The following STPG2 variants were observed in gnomAD, a reference collection of about 807,000 sequenced individuals.
STPG2 encodes the protein sperm tail PG-rich repeat containing 2, also known as sperm-tail PG-rich repeat-containing protein 2.
In STPG2, 56 loss-of-function variants were observed where a neutral mutation model predicts 54.2. The observed-to-expected ratio is 1.03, with a 90% confidence interval of 0.83 to 1.29. The LOEUF is 1.29. Ranked by LOEUF, STPG2 falls within the 50% of genes most tolerant of loss-of-function variation. The probability of loss-of-function intolerance (pLI) is 0.00; values close to 1 mark genes in which losing one functional copy is unlikely to be tolerated. For synonymous variants in STPG2, 200 were observed against 181.8 expected (o/e 1.10, Z -0.81); for missense variants, 596 against 544.9 (o/e 1.09, Z -0.93).
chr4:97,488,969 T>G (rs1730438735), intron 4 of STPG2, among the ~76,000 whole-genome samples: 1 of 151,758 alleles, frequency 6.6e-6, no homozygotes, highest in African/African-American at 2.4e-5. Flanking sequence ...AATCTCATCT[T>G]GAATTGTAAC....
At chr4:97,721,803 C>A (rs983602692) in intron 9 of STPG2, among the ~76,000 whole-genome samples, 1 of 152,042 alleles carries the variant, frequency 6.6e-6, no homozygotes, top group Non-Finnish European at 1.5e-5. Context: ...ACATCAGAAA[C>A]TGTAAAACCT....
chr4:97,525,218 C>G (rs1439050646), intron 4 of STPG2, among the ~76,000 whole-genome samples: 1 of 151,692 alleles, frequency 6.6e-6, no homozygotes, highest in Non-Finnish European at 1.5e-5. Flanking sequence ...ATATATTTAA[C>G]TTTCACTTGA....
chr4:97,972,238 A>G, intron 7 of STPG2, 42 bp downstream of exon 7: 1 of 1,335,976 alleles, frequency 7.5e-7, no homozygotes, highest in Admixed American at 2.6e-5. Flanking sequence ...TAAGAGCTTG[A>G]TATTCAACAT....
intron 4 of STPG2, among the ~76,000 whole-genome samples, chr4:97,521,145 AT>A (rs1731173001): frequency 6.6e-6 from 1 of 152,028 alleles, no homozygotes; most frequent in South Asian, 2.1e-4. Flanking sequence ...AAAACATATC[AT>A]TTCCTCAAAT....
intron 9 of STPG2, among the ~76,000 whole-genome samples, chr4:97,798,646 G>A (rs1185812273): frequency 2.5e-3 from 334 of 136,164 alleles, no homozygotes; most frequent in Non-Finnish European, 4.5e-3. Flanking sequence ...GTGCTGAGAA[G>A]AATGTATATT....
chr4:97,890,893 AAATT>A (rs1214268911), intron 8 of STPG2, among the ~76,000 whole-genome samples: 3 of 152,016 alleles, frequency 2.0e-5, no homozygotes, highest in Admixed American at 6.6e-5. Flanking sequence ...CTATATAAAC[AAATT>A]AATATATAAA....
chr4:98,024,560 A>T (rs942558719), intron 5 of STPG2, among the ~76,000 whole-genome samples: 1 of 152,238 alleles, frequency 6.6e-6, no homozygotes, highest in East Asian at 1.9e-4. Flanking sequence ...CCACATATAT[A>T]TGTAGCACAC....
At chr4:97,667,360 C>T (rs553072455) in intron 10 of STPG2, among the ~76,000 whole-genome samples, 2 of 152,286 alleles carry the variant, frequency 1.3e-5, no homozygotes, top group African/African-American at 4.8e-5. Context: ...GATGCAATTG[C>T]TAACTTTTTT....
chr4:98,135,203 G>C (rs4699330), intron 1 of STPG2, among the ~76,000 whole-genome samples: 1 of 151,174 alleles, frequency 6.6e-6, no homozygotes. Context: ...CAAAACTTTT[G>C]CACTAAATCT....
intron 1 of STPG2, among the ~76,000 whole-genome samples, chr4:98,140,974 T>C (rs1471626331): frequency 6.6e-6 from 1 of 152,086 alleles, no homozygotes; most frequent in Non-Finnish European, 1.5e-5. Context: ...AATGAGAAAG[T>C]ACACACGAGA....
At chr4:97,687,180 G>A (rs977212884) in intron 10 of STPG2, among the ~76,000 whole-genome samples, 5 of 151,828 alleles carry the variant, frequency 3.3e-5, no homozygotes, top group South Asian at 2.1e-4. Flanking sequence ...TCGATCTCCC[G>A]ACCTCGTGAT....
chr4:97,706,234 T>C (rs1369306286), intron 10 of STPG2, among the ~76,000 whole-genome samples: 1 of 152,178 alleles, frequency 6.6e-6, no homozygotes, highest in East Asian at 1.9e-4. Flanking sequence ...TCAGCACCCC[T>C]CTGCGAGTAG....
At chr4:97,506,018 CCAAA>C (rs1260054145) in intron 4 of STPG2, among the ~76,000 whole-genome samples, 66 of 31,162 alleles carry the variant, frequency 2.1e-3, no homozygotes, top group Admixed American at 3.1e-3. Context: ...AAATAGGAGA[CCAAA>C]AAAAAAAAAA....
chr4:98,096,796 C>A (rs1302704192), intron 5 of STPG2, among the ~76,000 whole-genome samples: 2 of 151,892 alleles, frequency 1.3e-5, no homozygotes, highest in Non-Finnish European at 2.9e-5. Context: ...AAAGATCATG[C>A]AAAGGAATGA....
chr4:97,497,316 T>C (rs1478661392), intron 4 of STPG2, among the ~76,000 whole-genome samples: 1 of 151,810 alleles, frequency 6.6e-6, no homozygotes, highest in East Asian at 1.9e-4. Flanking sequence ...GTAAGGGAAT[T>C]AGTAACTTAA....
chr4:98,012,557 T>G (rs1488784887), intron 5 of STPG2, among the ~76,000 whole-genome samples: 1 of 152,162 alleles, frequency 6.6e-6, no homozygotes, highest in Non-Finnish European at 1.5e-5. Flanking sequence ...GCCATTTTCA[T>G]GATATTGATT....
chr4:97,760,246 A>G (rs1357309434), intron 9 of STPG2, among the ~76,000 whole-genome samples: 1 of 152,186 alleles, frequency 6.6e-6, no homozygotes, highest in Non-Finnish European at 1.5e-5. Flanking sequence ...AAGATCAAGG[A>G]CAAGAACTGT....
At chr4:97,685,049 CA>C (rs1429764870) in intron 10 of STPG2, among the ~76,000 whole-genome samples, 1 of 151,856 alleles carries the variant, frequency 6.6e-6, no homozygotes, top group Non-Finnish European at 1.5e-5. Flanking sequence ...TCAGAATGGC[CA>C]AAATCCAAGA....
rs189848455 is a variant in STPG2 at position 97,857,845 on chromosome 4, A to C, written c.1045-16913T>G. ...ATCAGATAAATTTAACAAAGAGATT[A>C]TAATAATTTAAAAAATCAAGTAGAC... On this transcript the variant is annotated intron_variant, in intron 8 of 10. Coordinates refer to ENST00000295268, the MANE Select transcript of STPG2 (RefSeq NM_174952.3). 1.4e-3 allele frequency among the ~76,000 whole-genome samples: 208 copies of C among 152,172 alleles called. 1 individual carries two copies. Among genetic ancestry groups the C allele is most frequent in the African/African-American group, 4.6e-3 (193 of 41,550 alleles).
Sources: gnomAD v4.1 joint callset for allele counts (sites outside exome capture counted in the v4.1 genomes callset) on GRCh38, gnomAD v4.1.1 for gene constraint, MANE v1.5 for transcripts, NCBI Gene and HGNC (gene_info 2026-07-23, HGNC 2026-07-21) for gene names.